The following FRMD6 variants were observed in gnomAD, a reference collection of about 807,000 sequenced individuals.
FRMD6 encodes FERM domain-containing protein 6.
FRMD6 carries 37 observed loss-of-function variants against 73.2 expected under a neutral mutation model. The ratio of observed to expected loss-of-function variants is 0.51; its 90% CI spans 0.39 to 0.66. The LOEUF is 0.66. Ranked by LOEUF, FRMD6 falls within the 30% of genes least tolerant of loss-of-function variation. FRMD6 has a pLI of 0.00. For missense variants in FRMD6, 714 were observed against 780.5 expected, an observed-to-expected ratio of 0.91 and a Z score of 1.02; for synonymous variants, 273 against 282.2, an observed-to-expected ratio of 0.97 and a Z score of 0.33.
At chr14:51,646,134 C>G (rs1892054381) in intron 2 of FRMD6, among the ~76,000 whole-genome samples, 1 of 151,688 alleles carries the variant, frequency 6.6e-6, no homozygotes, top group African/African-American at 2.4e-5. Context: ...CTGGCTAACA[C>G]AGCGAAACCC....
At chr14:51,515,929 G>A (rs17124059) in intron 1 of FRMD6, among the ~76,000 whole-genome samples, 2,045 of 152,298 alleles carry the variant, frequency 0.013, 37 homozygotes, top group African/African-American at 0.047. Context: ...CTTTAAGGGA[G>A]CTGAGACACT....
At position 51,523,822 on chromosome 14, in the gene FRMD6, G is replaced by T. The variant is rs115538700; in HGVS notation, c.-210+34402G>T. On this transcript the variant is annotated intron_variant, in intron 1 of 14. Coordinates refer to the FRMD6 transcript ENST00000356218. The stretch of plus-strand genomic sequence containing the variant: ...TAAATTTCAAAGCAGATTTATTAAA[G>T]CATTCTGTATTCAGTGTTACACGTT... Among the ~76,000 whole-genome samples, 494 of 152,270 alleles carry T rather than the reference G, an allele frequency of 3.2e-3. 1 individual carries two copies. Among genetic ancestry groups the T allele is most frequent in the African/African-American group, 0.012 (479 of 41,538 alleles).
At chr14:51,421,186 G>A in the FRMD6 span, among the ~76,000 whole-genome samples, 3 of 152,148 alleles carry the variant, frequency 2.0e-5, no homozygotes, top group Non-Finnish European at 4.4e-5. Context: ...GTTGACAGCA[G>A]CTACATTTTG....
At chr14:51,649,744 A>G (rs1892248475), upstream of FRMD6, 1 of 152,142 alleles carries the variant, frequency 6.6e-6, no homozygotes, top group African/African-American at 2.4e-5. Context: ...ACTTTAGTAC[A>G]TTAAGTACAG....
chr14:51,486,615 C>T (rs1377331433), upstream of FRMD6, among the ~76,000 whole-genome samples: 4 of 152,320 alleles, frequency 2.6e-5, no homozygotes, highest in South Asian at 6.2e-4. Context: ...CTTGTATCTT[C>T]GTGGACACTG....
chr14:51,468,158 G>A, the FRMD6 span, among the ~76,000 whole-genome samples: 1 of 152,186 alleles, frequency 6.6e-6, no homozygotes, highest in Admixed American at 6.5e-5. Flanking sequence ...AGGCATGGCG[G>A]CGCGCGCCTG....
chr14:51,520,653 T>C (rs1242072828), intron 1 of FRMD6, among the ~76,000 whole-genome samples: 3 of 152,176 alleles, frequency 2.0e-5, no homozygotes, highest in African/African-American at 7.2e-5. Context: ...CTTCCAGCAC[T>C]GTAGAAGGCT....
intron 2 of FRMD6, among the ~76,000 whole-genome samples, chr14:51,613,778 C>T (rs180810587): frequency 4.9e-4 from 74 of 152,030 alleles, no homozygotes; most frequent in Non-Finnish European, 8.4e-4. Context: ...AGACCCAGTA[C>T]CATTCAACAG....
At chr14:51,577,823 G>T (rs1888488471) in intron 2 of FRMD6, among the ~76,000 whole-genome samples, 1 of 152,126 alleles carries the variant, frequency 6.6e-6, no homozygotes, top group Non-Finnish European at 1.5e-5. Flanking sequence ...TAAGTTCTGG[G>T]ATACATGTGC....
chr14:51,434,821 T>C, the FRMD6 span, among the ~76,000 whole-genome samples: 1 of 152,136 alleles, frequency 6.6e-6, no homozygotes. Context: ...AAAGTTAATA[T>C]CACCTAATAT....
At chr14:51,450,239 C>T in the FRMD6 span, among the ~76,000 whole-genome samples, 1 of 152,234 alleles carries the variant, frequency 6.6e-6, no homozygotes, top group Middle Eastern at 3.4e-3. Flanking sequence ...TCTTAGAGCT[C>T]TTCAGGGAAA....
chr14:51,400,044 A>G, the FRMD6 span, among the ~76,000 whole-genome samples: 2 of 152,272 alleles, frequency 1.3e-5, no homozygotes, highest in Admixed American at 1.3e-4. Context: ...CAATACATGC[A>G]TACATTGTGG....
chr14:51,515,524 C>G (rs1216993779), intron 1 of FRMD6, among the ~76,000 whole-genome samples: 1 of 152,206 alleles, frequency 6.6e-6, no homozygotes, highest in Non-Finnish European at 1.5e-5. Flanking sequence ...TCTGTGCTCC[C>G]TGGACACAGT....
At chr14:51,440,482 T>C in the FRMD6 span, among the ~76,000 whole-genome samples, 1 of 152,218 alleles carries the variant, frequency 6.6e-6, no homozygotes, top group African/African-American at 2.4e-5. Flanking sequence ...AGTAGTGTGC[T>C]GGACCAATCA....
intron 1 of FRMD6, among the ~76,000 whole-genome samples, chr14:51,652,729 T>A (rs1353143040): frequency 6.6e-6 from 1 of 152,124 alleles, no homozygotes; most frequent in African/African-American, 2.4e-5. Flanking sequence ...TACGGCGCGC[T>A]GGCGGAGCCC....
chr14:51,685,939 A>G (rs1006360640), intron 1 of FRMD6, among the ~76,000 whole-genome samples: 12 of 152,218 alleles, frequency 7.9e-5, no homozygotes, highest in African/African-American at 2.9e-4. Context: ...CCAGTTTTCC[A>G]AGATAAATTT....
chr14:51,451,094 A>G, the FRMD6 span, among the ~76,000 whole-genome samples: 1 of 152,250 alleles, frequency 6.6e-6, no homozygotes, highest in Non-Finnish European at 1.5e-5. Context: ...GGGAGATGAG[A>G]TAGAGATAGG....
intron 2 of FRMD6, among the ~76,000 whole-genome samples, chr14:51,623,511 GAC>G (rs1331894565): frequency 6.6e-6 from 1 of 152,126 alleles, no homozygotes; most frequent in East Asian, 1.9e-4. Context: ...TTTTTGAAAG[GAC>G]ACACAGATTT....
chr14:51,516,343 CG>C (rs1484585167), intron 1 of FRMD6, among the ~76,000 whole-genome samples: 6 of 152,074 alleles, frequency 3.9e-5, no homozygotes, highest in Non-Finnish European at 8.8e-5. Context: ...CGATTAGAGA[CG>C]AGTAGGAGGA....
Sources: allele counts gnomAD v4.1 joint callset (sites outside exome capture counted in the v4.1 genomes callset), GRCh38; gene constraint gnomAD v4.1.1; transcripts MANE v1.5; gene names NCBI Gene and HGNC (gene_info 2026-07-23, HGNC 2026-07-21).